Variants in LEP observed in about 807,000 individuals in gnomAD.
The protein encoded by LEP is leptin (murine obesity homolog).
LEP carries 6 observed loss-of-function variants against 9.8 expected under a neutral mutation model. The ratio of observed to expected loss-of-function variants is 0.61; its 90% CI spans 0.34 to 1.21. LEP has a LOEUF of 1.21. Ranked by LOEUF, LEP falls within the 50% of genes most tolerant of loss-of-function variation. LEP has a pLI of 0.04. For missense variants in LEP, 134 were observed against 198.1 expected (o/e 0.68, Z 1.94); for synonymous variants, 112 against 81.7 (o/e 1.37, Z -2.00).
chr7:128,248,428 G>A (rs562357481), intron 1 of LEP, among the ~76,000 whole-genome samples: 100 of 150,544 alleles, frequency 6.6e-4, no homozygotes, highest in African/African-American at 2.2e-3. Flanking sequence ...GGGAAACATC[G>A]TCTAAAAAAG....
At position 128,255,994 on chromosome 7, in the gene LEP, G is replaced by A. The variant is rs1260916843; in HGVS notation, c.*1231G>A. 2.0e-5 allele frequency: 3 copies of A among 152,252 alleles called. No homozygotes were observed. Among genetic ancestry groups the A allele is most frequent in the African/African-American group, 7.2e-5 (3 of 41,458 alleles). 9.4% of individuals were successfully genotyped at this position (152,252 alleles called of 1,614,324 possible). ...GATCTTCAGAGCAGGGGTCCTTGGTGTGACCCTCTGAATGGTCCAGGGTTG... is the reference window on the plus strand; with the variant it reads ...GATCTTCAGAGCAGGGGTCCTTGGTATGACCCTCTGAATGGTCCAGGGTTG... On this transcript the variant is annotated 3_prime_UTR_variant, in exon 3 of 3. Transcript: ENST00000308868.
At position 128,254,650 on chromosome 7, in the gene LEP, C is replaced by T; in HGVS notation, c.391C>T (p.Leu131=). Residue 131 remains leucine (L), a synonymous_variant, in exon 3 of 3, where the codon CTG becomes TTG. Transcript: ENST00000308868. ...WASGLETLDS[L]GGVLEASGYS... is the part of the protein sequence containing the mutation. ...CAGTGGCCTGGAGACCTTGGACAGC[C>T]TGGGGGGTGTCCTGGAAGCTTCAGG... The T allele has an allele frequency of 6.2e-7, 1 of 1,614,162 alleles. No individual in the cohort carries two copies. The highest frequency in any genetic ancestry group is 8.5e-7 in the Non-Finnish European group (1 of 1,180,024).
intron 1 of LEP, 137 bp from the exon 2 acceptor site, chr7:128,251,854 T>C (rs1283562181): frequency 1.4e-6 from 1 of 720,564 alleles, no homozygotes; most frequent in Non-Finnish European, 2.5e-6. Flanking sequence ...GAATTGTCTT[T>C]GACTTTGAGG....
Position 128,254,451 on chromosome 7 carries a change from T to A in LEP, c.192T>A (p.Pro64=). 1 of 1,614,070 alleles carries A rather than the reference T, an allele frequency of 6.2e-7. No individual in the cohort carries two copies. The highest frequency in any genetic ancestry group is 8.5e-7 in the Non-Finnish European group (1 of 1,180,012). Residue 64 remains proline, a synonymous_variant, in exon 3 of 3, where the codon CCT becomes CCA. Transcript: ENST00000308868. ...AAGTCACCGGTTTGGACTTCATTCC[T>A]GGGCTCCACCCCATCCTGACCTTAT... ...KQKVTGLDFI[P]GLHPILTLSK...
chr7:128,252,774 G>C (rs940595895), intron 2 of LEP, among the ~76,000 whole-genome samples: 2 of 151,714 alleles, frequency 1.3e-5, no homozygotes, highest in Admixed American at 6.6e-5. Context: ...ATTTGATCAG[G>C]CATGATGGGT....
chr7:128,246,446 A>C (rs895665522), intron 1 of LEP, among the ~76,000 whole-genome samples: 27 of 151,902 alleles, frequency 1.8e-4, no homozygotes, highest in Non-Finnish European at 1.0e-4. Context: ...AGATTGTTTC[A>C]TTATCTTTTT....
intron 1 of LEP, among the ~76,000 whole-genome samples, chr7:128,246,630 TA>T (rs1431431196): frequency 3.2e-4 from 44 of 139,562 alleles, no homozygotes; most frequent in Middle Eastern, 3.7e-3. Context: ...TTTTTATTTT[TA>T]TTTTTATTTT....
Position 128,244,860 on chromosome 7 carries a change from C to G in LEP, c.-29+3554C>G, listed in dbSNP as rs573997147. On this transcript the variant is annotated intron_variant, in intron 1 of 2. Transcript: ENST00000308868. ...CCTCAACAGAGATGAACTGGACTCT[C>G]TGCAGCCCCACTCTAAATTCCTAAG... 1.3e-3 allele frequency among the ~76,000 whole-genome samples: 200 copies of G among 152,296 alleles called. 8 individuals carry two copies. In the South Asian group the frequency reaches 0.041, roughly 31 times the overall value.
intron 1 of LEP, among the ~76,000 whole-genome samples, chr7:128,251,180 C>T (rs1795270725): frequency 6.6e-6 from 1 of 152,192 alleles, no homozygotes; most frequent in Non-Finnish European, 1.5e-5. Flanking sequence ...CTTGTACCTG[C>T]CCTTTTTGCA....
In LEP at chr7:128,254,921, C is replaced by CCCTAAG. The variant is rs1398895089; in HGVS notation, c.*162_*167dup. 13 of 768,992 alleles carry CCCTAAG rather than the reference C, an allele frequency of 1.7e-5. No individual in the cohort carries two copies. The East Asian group carries it at 3.2e-4, about 19-fold the overall frequency. The allele number at this position is 768,992 out of a possible 1,614,324, so 47.6% of individuals were successfully genotyped here. ...AAGCCACTCTTCCAAAGGCATAAGA[C>CCCTAAG]CCTAAGCCTCCTTTTGCTTGAAACC... is the stretch of plus-strand genomic sequence containing the variant. On this transcript the variant is annotated 3_prime_UTR_variant, in exon 3 of 3. Coordinates refer to ENST00000308868, the MANE Select transcript of LEP (RefSeq NM_000230.3).
intron 1 of LEP, 97 bp from the exon 2 acceptor site, chr7:128,251,894 G>A: frequency 2.9e-6 from 3 of 1,017,398 alleles, no homozygotes; most frequent in Admixed American, 3.4e-5. Context: ...AAGCAAAGCT[G>A]ATTTTCATCC....
intron 1 of LEP, among the ~76,000 whole-genome samples, chr7:128,245,562 A>G (rs895344933): frequency 2.0e-5 from 3 of 152,236 alleles, no homozygotes; most frequent in Non-Finnish European, 4.4e-5. Flanking sequence ...AGGGAAGAAC[A>G]GGAGGGGATC....
intron 1 of LEP, among the ~76,000 whole-genome samples, chr7:128,241,557 C>T (rs1265864216): frequency 6.6e-6 from 1 of 152,210 alleles, no homozygotes; most frequent in East Asian, 1.9e-4. Context: ...CCAGCCAGGT[C>T]CCTGGGAGAC....
intron 1 of LEP, 120 bp from the exon 2 acceptor site, chr7:128,251,871 T>C: frequency 2.5e-6 from 2 of 792,844 alleles, no homozygotes; most frequent in Non-Finnish European, 4.4e-6. Flanking sequence ...GAGGGGATGG[T>C]AGCCAGAGCA....
At position 128,254,907 on chromosome 7, in the gene LEP, C is replaced by T. The variant is rs923842380; in HGVS notation, c.*144C>T. The T allele has an allele frequency of 2.3e-6, 2 of 887,486 alleles. No homozygotes were observed. Among genetic ancestry groups the T allele is most frequent in the African/African-American group, 1.6e-5 (1 of 60,636 alleles). The allele number at this position is 887,486 out of a possible 1,614,324, so 55.0% of individuals were successfully genotyped here. ...TCCCTGACTCCTCTAAGCCACTCTTCCAAAGGCATAAGACCCTAAGCCTCC... is the reference window on the plus strand; with the variant it reads ...TCCCTGACTCCTCTAAGCCACTCTTTCAAAGGCATAAGACCCTAAGCCTCC... On this transcript the variant is annotated 3_prime_UTR_variant, in exon 3 of 3. Transcript: ENST00000308868.
intron 1 of LEP, among the ~76,000 whole-genome samples, chr7:128,246,993 CCACCATCT>C (rs1347688604): frequency 6.6e-6 from 1 of 152,120 alleles, no homozygotes; most frequent in Non-Finnish European, 1.5e-5. Flanking sequence ...CACTGTGAGC[CCACCATCT>C]TCCTAGAGAC....
In LEP at chr7:128,252,105, T is replaced by C; in HGVS notation, c.87T>C (p.Asp29=). Residue 29 remains aspartate, a synonymous_variant, in exon 2 of 3, where the codon GAT becomes GAC. Coordinates refer to ENST00000308868, the MANE Select transcript of LEP (RefSeq NM_000230.3). The part of the protein sequence containing the change: ...VQAVPIQKVQ[D]DTKTLIKTIV... ...CTGTGCCCATCCAAAAAGTCCAAGA[T>C]GACACCAAAACCCTCATCAAGACAA... is the stretch of plus-strand genomic sequence containing the variant. The C allele has an allele frequency of 6.2e-7, 1 of 1,614,192 alleles. No individual in the cohort carries two copies. Among genetic ancestry groups the C allele is most frequent in the South Asian group, 1.1e-5 (1 of 91,086 alleles).
intron 1 of LEP, among the ~76,000 whole-genome samples, chr7:128,251,592 G>C (rs145707401): frequency 6.6e-6 from 1 of 152,322 alleles, no homozygotes; most frequent in East Asian, 1.9e-4. Context: ...GATGAAGGTG[G>C]AGTATTTTGT....
chr7:128,245,783 G>A (rs1012428140), intron 1 of LEP, among the ~76,000 whole-genome samples: 6 of 152,200 alleles, frequency 3.9e-5, no homozygotes, highest in Non-Finnish European at 5.9e-5. Flanking sequence ...CAGCAGATGG[G>A]CCAGGCTCGG....
Sources: gnomAD v4.1 joint callset for allele counts (sites outside exome capture counted in the v4.1 genomes callset) on GRCh38, gnomAD v4.1.1 for gene constraint, MANE v1.5 for transcripts, NCBI Gene and HGNC (gene_info 2026-07-23, HGNC 2026-07-21) for gene names.